Variants in LDLRAD3 observed in about 807,000 individuals in gnomAD.
The protein encoded by LDLRAD3 is low-density lipoprotein receptor class A domain-containing protein 3.
LDLRAD3 carries 20 observed loss-of-function variants against 29.4 expected under a neutral mutation model. That is an observed-to-expected ratio of 0.68 (90% CI 0.48 to 0.99). The LOEUF is 0.99. Among genes scored for constraint, LDLRAD3 ranks in the 50% least tolerant of loss-of-function variants. The pLI, the probability that LDLRAD3 is intolerant of heterozygous loss-of-function variation, is 0.00. For synonymous variants in LDLRAD3, 157 were observed against 192.7 expected, an observed-to-expected ratio of 0.81 and a Z score of 1.53; for missense variants, 420 against 454.3, an observed-to-expected ratio of 0.92 and a Z score of 0.69.
intron 4 of LDLRAD3, chr11:36,197,280 A>G (rs191638381): frequency 1.3e-5 from 2 of 152,326 alleles, no homozygotes; most frequent in East Asian, 3.9e-4. Context: ...CACGGAGATG[A>G]CTTTTTCAGG....
chr11:36,130,314 A>C (rs187267157), intron 4 of LDLRAD3, among the ~76,000 whole-genome samples: 2 of 152,290 alleles, frequency 1.3e-5, no homozygotes, highest in East Asian at 3.9e-4. Flanking sequence ...TAAGGTAAAG[A>C]GAATGGGGCT....
chr11:36,202,414 C>T lies in LDLRAD3; in HGVS notation c.455-24671C>T, dbSNP rs144170278. ...ATACCCAATAATAATAGTAACAGCACCTCTCACGGTTGAGCCATTCCTACA... is the reference window on the plus strand; with the variant it reads ...ATACCCAATAATAATAGTAACAGCATCTCTCACGGTTGAGCCATTCCTACA... On this transcript the variant is annotated intron_variant, in intron 4 of 5. Transcript: ENST00000315571. 9.7e-4 allele frequency among the ~76,000 whole-genome samples: 148 copies of T among 152,282 alleles called. 1 individual carries two copies. In the East Asian group the frequency reaches 0.026, roughly 27 times the overall value.
At chr11:36,131,549 C>T (rs184328874) in intron 4 of LDLRAD3, among the ~76,000 whole-genome samples, 2 of 152,254 alleles carry the variant, frequency 1.3e-5, no homozygotes, top group African/African-American at 2.4e-5. Context: ...GGAATGAAAA[C>T]ACTATACTAT....
chr11:36,106,104 G>A (rs1477387407), intron 4 of LDLRAD3, among the ~76,000 whole-genome samples: 1 of 152,280 alleles, frequency 6.6e-6, no homozygotes, highest in African/African-American at 2.4e-5. Flanking sequence ...GAATCGCCTC[G>A]GTAAGGAGAG....
At chr11:36,183,961 A>AT in intron 4 of LDLRAD3, 3 of 276,838 alleles carry the variant, frequency 1.1e-5, no homozygotes, top group Non-Finnish European at 6.8e-6. Flanking sequence ...AATATATTTC[A>AT]TCTTTTTTTT....
In LDLRAD3 at chr11:35,966,456, T is replaced by A. The variant is rs117865604; in HGVS notation, c.46+22312T>A. 2.5e-3 allele frequency among the ~76,000 whole-genome samples: 386 copies of A among 152,300 alleles called. 11 individuals carry two copies. The East Asian group carries it at 0.066, about 26-fold the overall frequency. On this transcript the variant is annotated intron_variant, in intron 1 of 5. Transcript: ENST00000315571. ...CAAAAAGCAAAAATGCAGTATTCTT[T>A]TCCTTTAAAAATGTGTACATAAAAA...
chr11:36,047,426 AAC>A (rs1436337466), intron 2 of LDLRAD3, among the ~76,000 whole-genome samples: 1 of 152,206 alleles, frequency 6.6e-6, no homozygotes, highest in East Asian at 1.9e-4. Flanking sequence ...GGGCTAAGAA[AAC>A]ACAGTGTCCT....
At chr11:36,125,707 G>A (rs1295770353) in intron 4 of LDLRAD3, among the ~76,000 whole-genome samples, 1 of 152,208 alleles carries the variant, frequency 6.6e-6, no homozygotes, top group East Asian at 1.9e-4. Context: ...AAACAGTGCT[G>A]TAAGGTGAAC....
chr11:36,166,715 A>T (rs748298058), intron 4 of LDLRAD3, among the ~76,000 whole-genome samples: 1 of 152,184 alleles, frequency 6.6e-6, no homozygotes, highest in Non-Finnish European at 1.5e-5. Context: ...AAATGGTTGG[A>T]AACATGATCT....
rs149983822 is a variant in LDLRAD3, at chr11:36,219,406, T to G, written c.455-7679T>G. 9.2e-5 allele frequency among the ~76,000 whole-genome samples: 14 copies of G among 152,346 alleles called. No homozygotes were observed. In the East Asian group the frequency reaches 2.7e-3, roughly 29 times the overall value. On this transcript the variant is annotated intron_variant, in intron 4 of 5. Transcript: ENST00000315571. The stretch of plus-strand genomic sequence containing the variant: ...AGACACACTACCTCATTTCGAGACT[T>G]AACTATAAAGCTGTAGTTAACAACA...
intron 4 of LDLRAD3, among the ~76,000 whole-genome samples, chr11:36,143,335 C>G (rs1446383787): frequency 2.0e-5 from 3 of 152,218 alleles, no homozygotes; most frequent in African/African-American, 7.2e-5. Context: ...CTACCTCTTT[C>G]CCGTGGTGGC....
chr11:36,084,903 A>C (rs1396274716), intron 3 of LDLRAD3, among the ~76,000 whole-genome samples: 2 of 152,236 alleles, frequency 1.3e-5, no homozygotes, highest in African/African-American at 2.4e-5. Context: ...TAGTTGTCTT[A>C]TATAATACAT....
chr11:35,952,393 T>G (rs1851147314), intron 1 of LDLRAD3, among the ~76,000 whole-genome samples: 3 of 152,142 alleles, frequency 2.0e-5, no homozygotes, highest in Non-Finnish European at 4.4e-5. Flanking sequence ...ATAGAATGAT[T>G]TGTTAGAGAG....
chr11:35,987,714 C>T (rs57898466), intron 1 of LDLRAD3, among the ~76,000 whole-genome samples: 4,808 of 152,194 alleles, frequency 0.032, 288 homozygotes, highest in African/African-American at 0.11. Flanking sequence ...AATGGTGCTA[C>T]GTTGAACATA....
chr11:36,022,793 C>T (rs748346238), intron 1 of LDLRAD3, among the ~76,000 whole-genome samples: 3 of 152,132 alleles, frequency 2.0e-5, no homozygotes, highest in African/African-American at 4.8e-5. Flanking sequence ...CTGGAAACCC[C>T]AAACAGGTTC....
At chr11:36,047,199 A>C (rs1565183940) in intron 2 of LDLRAD3, among the ~76,000 whole-genome samples, 2 of 152,218 alleles carry the variant, frequency 1.3e-5, no homozygotes, top group Non-Finnish European at 1.5e-5. Flanking sequence ...GGACACTAAA[A>C]ACAATAATTA....
intron 1 of LDLRAD3, among the ~76,000 whole-genome samples, chr11:35,996,409 A>G (rs1433976352): frequency 6.6e-6 from 1 of 152,162 alleles, no homozygotes; most frequent in Non-Finnish European, 1.5e-5. Flanking sequence ...AATGTTTGCA[A>G]TGATAACATC....
chr11:35,961,672 G>A (rs568374578), intron 1 of LDLRAD3, among the ~76,000 whole-genome samples: 1 of 152,244 alleles, frequency 6.6e-6, no homozygotes. Context: ...CTTCTCAGTT[G>A]TGCTTTGGTT....
chr11:36,172,847 G>T (rs958235066), intron 4 of LDLRAD3, among the ~76,000 whole-genome samples: 1 of 152,160 alleles, frequency 6.6e-6, no homozygotes, highest in African/African-American at 2.4e-5. Flanking sequence ...TTCATAGAAA[G>T]ATTTAGGGAG....
Sources: gnomAD v4.1 joint callset for allele counts (sites outside exome capture counted in the v4.1 genomes callset) on GRCh38, gnomAD v4.1.1 for gene constraint, MANE v1.5 for transcripts, NCBI Gene and HGNC (gene_info 2026-07-23, HGNC 2026-07-21) for gene names.